Variants in EIF3H observed in about 807,000 individuals in gnomAD.
EIF3H encodes the protein eIF-3-gamma.
EIF3H carries 26 observed loss-of-function variants against 44.2 expected under a neutral mutation model. The ratio of observed to expected loss-of-function variants is 0.59; its 90% CI spans 0.43 to 0.82. The LOEUF (loss-of-function observed/expected upper bound fraction) is 0.82, where lower values mean the gene tolerates loss of function less well. Ranked by LOEUF, EIF3H falls within the 40% of genes least tolerant of loss-of-function variation. The pLI is 0.00. For synonymous variants in EIF3H, 166 were observed against 151.9 expected (o/e 1.09, Z -0.68); for missense variants, 359 against 432.8 (o/e 0.83, Z 1.51).
At chr8:116,672,925 T>C (rs910960939) in intron 2 of EIF3H, among the ~76,000 whole-genome samples, 2 of 150,892 alleles carry the variant, frequency 1.3e-5, no homozygotes, top group Non-Finnish European at 2.9e-5. Flanking sequence ...AAAAGACATA[T>C]GGCACTCATG....
exon 1 of EIF3H, chr8:116,766,057 G>C (rs1465288006): frequency 6.6e-6 from 1 of 152,154 alleles, no homozygotes; most frequent in East Asian, 1.9e-4. Flanking sequence ...TTTCTTTATG[G>C]GAAAGCAGCC....
intron 2 of EIF3H, among the ~76,000 whole-genome samples, chr8:116,721,431 AG>A (rs1814744249): frequency 6.6e-6 from 1 of 152,228 alleles, no homozygotes; most frequent in African/African-American, 2.4e-5. Context: ...GCAGTGCAGA[AG>A]GGAAATGTGG....
At chr8:116,687,455 C>A (rs181482645) in intron 2 of EIF3H, among the ~76,000 whole-genome samples, 290 of 152,236 alleles carry the variant, frequency 1.9e-3, no homozygotes, top group African/African-American at 6.5e-3. Flanking sequence ...ATTGATGGCA[C>A]TAAATTCACA....
intron 2 of EIF3H, among the ~76,000 whole-genome samples, chr8:116,723,488 A>G (rs1485774972): frequency 6.6e-6 from 1 of 152,230 alleles, no homozygotes; most frequent in Non-Finnish European, 1.5e-5. Flanking sequence ...GCTAGTGTTC[A>G]GGTGCCTAGA....
chr8:116,663,012 T>C (rs1040749496), intron 2 of EIF3H, among the ~76,000 whole-genome samples: 5 of 152,020 alleles, frequency 3.3e-5, no homozygotes, highest in African/African-American at 1.2e-4. Context: ...AACAGGTAAA[T>C]GAGGGAGGGA....
Position 116,751,315 on chromosome 8 carries a change from A to G in EIF3H, c.132+4351T>C, listed in dbSNP as rs137909867. 1.9e-4 allele frequency among the ~76,000 whole-genome samples: 29 copies of G among 152,340 alleles called. No homozygotes were observed. The East Asian group carries it at 5.0e-3, about 26-fold the overall frequency. On this transcript the variant is annotated intron_variant, in intron 1 of 7. Coordinates refer to ENST00000521861, the MANE Select transcript of EIF3H (RefSeq NM_003756.3). ...ATTAAAATAACCTGCATAAGATATT[A>G]GAACATAAATTAGTATAAATAATAA... is the stretch of plus-strand genomic sequence containing the variant.
intron 2 of EIF3H, among the ~76,000 whole-genome samples, chr8:116,708,771 C>G (rs950174569): frequency 3.9e-5 from 6 of 152,016 alleles, no homozygotes; most frequent in African/African-American, 1.2e-4. Flanking sequence ...CAAACAGTAA[C>G]TAATTGAATT....
At chr8:116,732,425 G>A (rs532110133) in intron 1 of EIF3H, among the ~76,000 whole-genome samples, 1 of 152,088 alleles carries the variant, frequency 6.6e-6, no homozygotes. Flanking sequence ...TTCCTAAAGG[G>A]AAAGATTTAA....
chr8:116,753,777 G>C (rs1289860817), intron 1 of EIF3H, among the ~76,000 whole-genome samples: 2 of 152,166 alleles, frequency 1.3e-5, no homozygotes, highest in South Asian at 4.1e-4. Context: ...GTGTTAGATA[G>C]TATTTGGCAC....
chr8:116,762,131 T>C (rs1020624886), intron 1 of EIF3H, among the ~76,000 whole-genome samples: 1 of 152,244 alleles, frequency 6.6e-6, no homozygotes, highest in African/African-American at 2.4e-5. Context: ...GGCAATTGTA[T>C]TGACTGACAT....
At chr8:116,693,388 A>G (rs1445883507) in intron 2 of EIF3H, among the ~76,000 whole-genome samples, 1 of 152,196 alleles carries the variant, frequency 6.6e-6, no homozygotes, top group Non-Finnish European at 1.5e-5. Flanking sequence ...TAAAGTTTCA[A>G]TCACTTTTAA....
In EIF3H at chr8:116,752,748, AGAAAGAGGGAGGGAGG is replaced by A. The variant is rs1488886537; in HGVS notation, c.132+2902_132+2917del. Among the ~76,000 whole-genome samples the A allele has an allele frequency of 4.9e-4, 51 of 104,444 alleles. 1 individual carries two copies. Among genetic ancestry groups the A allele is most frequent in the Admixed American group, 1.9e-3 (18 of 9,654 alleles). The allele number at this position is 104,444 out of a possible 152,430, so 68.5% of individuals were successfully genotyped here. A position where few individuals can be genotyped will look rare whatever the true frequency, so the allele number is the denominator to read the frequency against. The stretch of plus-strand genomic sequence containing the variant: ...AGAAAGAAAGAAGAGAAAGAAAGAA[AGAAAGAGGGAGGGAGG>A]GAGGGAGGGAGGGAGGGAGGGAGGG... On this transcript the variant is annotated intron_variant, in intron 1 of 7. Coordinates refer to ENST00000521861, the MANE Select transcript of EIF3H (RefSeq NM_003756.3).
intron 1 of EIF3H, among the ~76,000 whole-genome samples, chr8:116,741,106 C>CT (rs1197905330): frequency 6.6e-6 from 1 of 151,692 alleles, no homozygotes; most frequent in African/African-American, 2.4e-5. Flanking sequence ...TTTTTTCTAT[C>CT]TTTTTTTTAG....
At chr8:116,751,352 TACTC>T (rs1448956505) in intron 1 of EIF3H, among the ~76,000 whole-genome samples, 2 of 152,300 alleles carry the variant, frequency 1.3e-5, no homozygotes, top group Admixed American at 1.3e-4. Context: ...ATGGAATACA[TACTC>T]ATTCATTTAT....
chr8:116,726,931 G>C (rs1383357539), intron 1 of EIF3H, among the ~76,000 whole-genome samples: 1 of 152,092 alleles, frequency 6.6e-6, no homozygotes, highest in Non-Finnish European at 1.5e-5. Context: ...GTTTTATAGT[G>C]CCTGGCACAT....
intron 2 of EIF3H, among the ~76,000 whole-genome samples, chr8:116,674,886 A>G (rs1245386311): frequency 6.6e-6 from 1 of 152,008 alleles, no homozygotes; most frequent in African/African-American, 2.4e-5. Flanking sequence ...AGGTGCAAAA[A>G]AAGTTGTTTT....
rs183080588 is a variant in EIF3H at position 116,647,261 on chromosome 8, C to G, written c.829-658G>C. ...GGGTTACAGGCGCCCACCACCACAC[C>G]CGGCTAATTTTTGTATTTTTAGTAC... On this transcript the variant is annotated intron_variant, in intron 6 of 7. Coordinates refer to ENST00000521861, the MANE Select transcript of EIF3H (RefSeq NM_003756.3). Among the ~76,000 whole-genome samples, 669 of 152,172 alleles carry G rather than the reference C, an allele frequency of 4.4e-3. 7 individuals are homozygous for G. Among genetic ancestry groups the G allele is most frequent in the Middle Eastern group, 0.014 (4 of 294 alleles).
chr8:116,697,661 T>C (rs1011832810), intron 2 of EIF3H, among the ~76,000 whole-genome samples: 2 of 152,222 alleles, frequency 1.3e-5, no homozygotes, highest in Non-Finnish European at 2.9e-5. Flanking sequence ...TCACACTGAG[T>C]AATGGTTTAT....
chr8:116,662,172 A>G (rs1055331203), intron 2 of EIF3H, among the ~76,000 whole-genome samples: 3 of 152,228 alleles, frequency 2.0e-5, no homozygotes, highest in African/African-American at 4.8e-5. Flanking sequence ...TTCACTAATA[A>G]ACAATGTATG....
Sources: gnomAD v4.1 joint callset for allele counts (sites outside exome capture counted in the v4.1 genomes callset) on GRCh38, gnomAD v4.1.1 for gene constraint, MANE v1.5 for transcripts, NCBI Gene and HGNC (gene_info 2026-07-23, HGNC 2026-07-21) for gene names.